The following EPN3 variants were observed in gnomAD, a reference collection of about 807,000 sequenced individuals.
The protein encoded by EPN3 is epsin-3.
Under a neutral mutation model 55.5 loss-of-function variants are expected in EPN3, and 56 were observed. The ratio of observed to expected loss-of-function variants is 1.01; its 90% CI spans 0.81 to 1.26. The LOEUF (loss-of-function observed/expected upper bound fraction) is 1.26. Ranked by LOEUF, EPN3 falls within the 50% of genes most tolerant of loss-of-function variation. The probability of loss-of-function intolerance (pLI) is 0.00; values close to 1 mark genes in which losing one functional copy is unlikely to be tolerated. For synonymous variants in EPN3, 449 were observed against 375.2 expected, an observed-to-expected ratio of 1.20 and a Z score of -2.27; for missense variants, 927 against 853.4, an observed-to-expected ratio of 1.09 and a Z score of -1.07.
intron 8 of EPN3, 37 bp downstream of exon 8, chr17:50,541,370 T>C (rs368041163): frequency 8.1e-6 from 13 of 1,608,050 alleles, no homozygotes; most frequent in South Asian, 1.1e-5. Context: ...CTCTGGGGAA[T>C]GAGGGGCCCA....
Position 50,538,170 on chromosome 17 carries a change from C to T in EPN3, c.654C>T (p.Leu218=), listed in dbSNP as rs1469834191. 9.9e-6 allele frequency: 16 copies of T among 1,611,092 alleles called. No individual in the cohort carries two copies. Among genetic ancestry groups the T allele is most frequent in the Admixed American group, 1.7e-5 (1 of 59,670 alleles). The change falls in exon 3 of 10, where the codon CTC becomes CTT. Residue 218 remains leucine, a synonymous_variant. Transcript: ENST00000268933. ...AGGAACTGCAGCTGCAGCTGGCCCT[C>T]GCCATGAGCCGTGAGGAGGCAGAGA... ...GEEELQLQLA[L]AMSREEAEKP...
intron 1 of EPN3, chr17:50,534,601 TTCCCACAGAAG>T (rs1182936005): frequency 2.0e-5 from 20 of 985,288 alleles, no homozygotes; most frequent in Non-Finnish European, 2.4e-5. Context: ...GGCCGTGGCA[TTCCCACAGAAG>T]GCCCACGACC....
intron 9 of EPN3, 58 bp downstream of exon 9, chr17:50,541,752 G>C: frequency 6.2e-7 from 1 of 1,606,662 alleles, no homozygotes; most frequent in South Asian, 1.1e-5. Flanking sequence ...CCTAGCCTCC[G>C]CCGGAGGAGC....
chr17:50,536,541 C>T lies in EPN3; in HGVS notation c.-16C>T. 1.2e-6 allele frequency: 2 copies of T among 1,613,354 alleles called. No individual in the cohort carries two copies. The highest frequency in any genetic ancestry group is 1.7e-6 in the Non-Finnish European group (2 of 1,180,014). ...TCCGGCGGGGGCGAGGGCCACCCAC[C>T]TCCAAGTCTCCAGCCATGACGACCT... is the stretch of plus-strand genomic sequence containing the variant. On this transcript the variant is annotated 5_prime_UTR_variant, in exon 2 of 10. Coordinates refer to ENST00000268933, the MANE Select transcript of EPN3 (RefSeq NM_017957.3).
In EPN3 at chr17:50,542,307, A is replaced by C; in HGVS notation, c.*150A>C. 2.5e-6 allele frequency: 2 copies of C among 786,192 alleles called. No individual in the cohort carries two copies. Among genetic ancestry groups the C allele is most frequent in the Non-Finnish European group, 3.6e-6 (2 of 552,006 alleles). The allele number at this position is 786,192 out of a possible 1,614,324, so 48.7% of individuals were successfully genotyped here. A position where few individuals can be genotyped will look rare whatever the true frequency, so the allele number is the denominator to read the frequency against. ...CGGCGGCTCTGGAAGCTGGACGCGG[A>C]CCACGGCCCGGGAGCTAGAAACTGA... is the stretch of plus-strand genomic sequence containing the variant. On this transcript the variant is annotated 3_prime_UTR_variant, in exon 10 of 10. Coordinates refer to ENST00000268933, the MANE Select transcript of EPN3 (RefSeq NM_017957.3).
rs2034857681 is a variant in EPN3, at chr17:50,542,070, C to G, written c.1812C>G (p.Ala604=). ...TTAGCGTCTTCCCGCAGGCCGGAGC[C>G]TTCGCACCGCAGCCGCTGCTGCCCA... is the stretch of plus-strand genomic sequence containing the variant. ...ASVSVFPQAG[A]FAPQPLLPTP... is the part of the protein sequence containing the mutation. The change falls in exon 10 of 10, where the codon GCC becomes GCG. Residue 604 remains alanine (A), a synonymous_variant. Coordinates refer to ENST00000268933, the MANE Select transcript of EPN3 (RefSeq NM_017957.3). 6.3e-7 allele frequency: 1 copy of G among 1,584,838 alleles called. No individual in the cohort carries two copies. The highest frequency in any genetic ancestry group is 1.4e-5 in the African/African-American group (1 of 72,790).
intron 5 of EPN3, among the ~76,000 whole-genome samples, 163 bp downstream of exon 5, chr17:50,539,478 G>A (rs943764027): frequency 2.6e-5 from 4 of 152,186 alleles, no homozygotes; most frequent in African/African-American, 7.2e-5. Flanking sequence ...CATTGCATGG[G>A]CTGGTGACTG....
chr17:50,537,322 T>C (rs757591445), intron 2 of EPN3: 22 of 600,342 alleles, frequency 3.7e-5, no homozygotes, highest in African/African-American at 7.4e-5. Flanking sequence ...TTGTTATAGA[T>C]TCATTATCAT....
In EPN3 at chr17:50,536,922, C is replaced by T. The variant is rs749661174; in HGVS notation, c.366C>T (p.Asn122=). 5.0e-6 allele frequency: 8 copies of T among 1,613,970 alleles called. No homozygotes were observed. The Admixed American group carries it at 5.0e-5, about 10-fold the overall frequency. The change falls in exon 2 of 10, where the codon AAC becomes AAT. Residue 122 remains asparagine, a synonymous_variant. Coordinates refer to ENST00000268933, the MANE Select transcript of EPN3 (RefSeq NM_017957.3). ...IDRDGKDQGV[N]VREKVKQVMA... ...GCGACGGCAAGGACCAGGGCGTCAA[C>T]GTGCGCGAGAAGGTCAAGCAGGTGA...
chr17:50,536,562 G>C lies in EPN3; in HGVS notation c.6G>C (p.Thr2=), dbSNP rs1373774854. The change falls in exon 2 of 10, where the codon ACG becomes ACC. Residue 2 remains threonine (T), a synonymous_variant. Transcript: ENST00000268933. The stretch of plus-strand genomic sequence containing the variant: ...CCACCTCCAAGTCTCCAGCCATGAC[G>C]ACCTCCGCACTCCGGCGCCAGGTGA... The part of the protein sequence containing the change: M[T]TSALRRQVKN... 1 of 1,613,776 alleles carries C rather than the reference G, an allele frequency of 6.2e-7. No individual in the cohort carries two copies. The highest frequency in any genetic ancestry group is 8.5e-7 in the Non-Finnish European group (1 of 1,180,018).
At chr17:50,537,666 C>T (rs974981703) in intron 2 of EPN3, among the ~76,000 whole-genome samples, 1 of 152,210 alleles carries the variant, frequency 6.6e-6, no homozygotes, top group African/African-American at 2.4e-5. Context: ...CAGAATGGCC[C>T]GCCTTCCATA....
At chr17:50,541,739 G>C in intron 9 of EPN3, 45 bp downstream of exon 9, 2 of 1,609,768 alleles carry the variant, frequency 1.2e-6, no homozygotes, top group Non-Finnish European at 1.7e-6. Context: ...CCTGCTTTCA[G>C]AGCCTAGCCT....
intron 1 of EPN3, 53 bp downstream of exon 1, chr17:50,533,038 G>T (rs1018325724): frequency 2.3e-5 from 27 of 1,160,284 alleles, no homozygotes; most frequent in Non-Finnish European, 2.8e-5. Flanking sequence ...GAAGGCGGGG[G>T]TTGGTGGGGA....
At position 50,540,959 on chromosome 17, in the gene EPN3, G is replaced by C; in HGVS notation, c.1146G>C (p.Gly382=). 6.2e-7 allele frequency: 1 copy of C among 1,613,066 alleles called. No individual in the cohort carries two copies. Residue 382 remains glycine, a synonymous_variant, in exon 7 of 10, where the codon GGG becomes GGC. Coordinates refer to ENST00000268933, the MANE Select transcript of EPN3 (RefSeq NM_017957.3). Reference sequence around the variant, plus strand: ...GCAGGACCCCAGTGCTGCCTGCTGGGCCCCCCACCACAGACCCCTGGGCCC... The same window carrying C: ...GCAGGACCCCAGTGCTGCCTGCTGGCCCCCCCACCACAGACCCCTGGGCCC... ...PWGRTPVLPA[G]PPTTDPWALN...
chr17:50,541,692 C>A lies in EPN3; in HGVS notation c.1583C>A (p.Thr528Lys). The change falls in exon 9 of 10, where the codon ACA becomes AAA. Residue 528 changes from threonine to lysine, a missense_variant and splice_region_variant. Thr to Lys is a moderately conservative substitution (Grantham distance 78). Coordinates refer to ENST00000268933, the MANE Select transcript of EPN3 (RefSeq NM_017957.3). The part of the protein sequence containing the change: ...QVAKTRNPFL[T>K]GLSAPSPTNP... The stretch of plus-strand genomic sequence containing the variant: ...GCAAAGACCCGGAACCCCTTCCTGA[C>A]AGGTAAGATATGCCCTTGTCCCTCA... 1 of 1,613,968 alleles carries A rather than the reference C, an allele frequency of 6.2e-7. No homozygotes were observed. The highest frequency in any genetic ancestry group is 8.5e-7 in the Non-Finnish European group (1 of 1,179,912).
chr17:50,538,872 C>A lies in EPN3; in HGVS notation c.682-12C>A. 6.3e-7 allele frequency: 1 copy of A among 1,580,506 alleles called. No individual in the cohort carries two copies. The highest frequency in any genetic ancestry group is 1.2e-5 in the South Asian group (1 of 86,752). ...GGTACAGGGCCAAGTTTACCCCTCTCTTCCTCCGCAGCCTGTCCCCCCAGC... is the reference window on the plus strand; with the variant it reads ...GGTACAGGGCCAAGTTTACCCCTCTATTCCTCCGCAGCCTGTCCCCCCAGC... On this transcript the variant is annotated splice_polypyrimidine_tract_variant and intron_variant, in intron 3 of 9. Coordinates refer to ENST00000268933, the MANE Select transcript of EPN3 (RefSeq NM_017957.3).
chr17:50,542,255 G>A lies in EPN3; in HGVS notation c.*98G>A. The A allele has an allele frequency of 7.7e-7, 1 of 1,291,304 alleles. No individual in the cohort carries two copies. Among genetic ancestry groups the A allele is most frequent in the Non-Finnish European group, 1.0e-6 (1 of 998,834 alleles). The allele number at this position is 1,291,304 out of a possible 1,614,324, so 80.0% of individuals were successfully genotyped here. On this transcript the variant is annotated 3_prime_UTR_variant, in exon 10 of 10. Coordinates refer to ENST00000268933, the MANE Select transcript of EPN3 (RefSeq NM_017957.3). The stretch of plus-strand genomic sequence containing the variant: ...GGCGGGGCGCCGGTGCTAGTGGAAC[G>A]CCGAGCCAGTGGCGGCTGGTATCCC...
At chr17:50,537,412 C>T in intron 2 of EPN3, 1 of 452,714 alleles carries the variant, frequency 2.2e-6, no homozygotes, top group Non-Finnish European at 4.0e-6. Flanking sequence ...CTGCTTCCTC[C>T]AAGCTGTGTG....
Position 50,542,115 on chromosome 17 carries a change from G to C in EPN3, c.1857G>C (p.Pro619=). 6.5e-7 allele frequency: 1 copy of C among 1,530,840 alleles called. No homozygotes were observed. The highest frequency in any genetic ancestry group is 1.2e-5 in the South Asian group (1 of 83,196). 94.8% of individuals were successfully genotyped at this position (1,530,840 alleles called of 1,614,324 possible). A position where few individuals can be genotyped will look rare whatever the true frequency, so the allele number is the denominator to read the frequency against. ...PLLPTPSSAG[P]RPPPPQTGTN... ...TGCCCACGCCGAGCTCAGCCGGGCC[G>C]CGGCCCCCGCCCCCGCAGACCGGCA... Residue 619 remains proline, a synonymous_variant, in exon 10 of 10, where the codon CCG becomes CCC. Transcript: ENST00000268933.
Sources: allele counts gnomAD v4.1 joint callset (sites outside exome capture counted in the v4.1 genomes callset), GRCh38; gene constraint gnomAD v4.1.1; transcripts MANE v1.5; gene names NCBI Gene and HGNC (gene_info 2026-07-23, HGNC 2026-07-21).